The following KIF24 variants were observed in gnomAD, a reference collection of about 807,000 sequenced individuals.
KIF24 encodes kinesin family member 24.
In KIF24, 81 loss-of-function variants were observed where a neutral mutation model predicts 118.9. The ratio of observed to expected loss-of-function variants is 0.68; its 90% CI spans 0.57 to 0.82. The LOEUF is 0.82. Among genes scored for constraint, KIF24 ranks in the 40% least tolerant of loss-of-function variants. The probability of loss-of-function intolerance (pLI) is 0.00; values close to 1 mark genes in which losing one functional copy is unlikely to be tolerated. For missense variants in KIF24, 1,560 were observed against 1,661.6 expected (o/e 0.94, Z 1.06); for synonymous variants, 599 against 610.0 (o/e 0.98, Z 0.27).
intron 4 of KIF24, among the ~76,000 whole-genome samples, chr9:34,295,363 A>G (rs1836426802): frequency 6.6e-6 from 1 of 152,024 alleles, no homozygotes; most frequent in Non-Finnish European, 1.5e-5. Flanking sequence ...GCACATCACC[A>G]TGCCTGGCTA....
chr9:34,266,967 T>C (rs1449383420), intron 8 of KIF24, among the ~76,000 whole-genome samples: 1 of 152,112 alleles, frequency 6.6e-6, no homozygotes, highest in African/African-American at 2.4e-5. Context: ...ACAACAACAA[T>C]AAAACAAACT....
In KIF24 at chr9:34,318,375, T is replaced by C. The variant is rs1837397272; in HGVS notation, c.-25-7004A>G. ...GCTTGACCTAGCCCTGACAGGTCCA[T>C]CGTGGTGCACGCAAACCACCTCCCA... On this transcript the variant is annotated intron_variant, in intron 1 of 12. Coordinates refer to ENST00000402558, the MANE Select transcript of KIF24 (RefSeq NM_194313.4). This position sits in a 1 kb window ranked among gnomAD's most constrained non-coding sequence, Gnocchi z 4.9. 1 of 441,870 alleles carries C rather than the reference T, an allele frequency of 2.3e-6. No homozygotes were observed. The highest frequency in any genetic ancestry group is 2.1e-5 in the African/African-American group (1 of 48,696). The allele number at this position is 441,870 out of a possible 1,614,324, so 27.4% of individuals were successfully genotyped here. A position where few individuals can be genotyped will look rare whatever the true frequency, so the allele number is the denominator to read the frequency against.
At chr9:34,276,478 A>T (rs968951434) in intron 6 of KIF24, among the ~76,000 whole-genome samples, 1 of 151,994 alleles carries the variant, frequency 6.6e-6, no homozygotes. Context: ...AATTTATATC[A>T]TATTGAACAT....
chr9:34,329,290 T>A (rs1322892745), upstream of KIF24, among the ~76,000 whole-genome samples: 1 of 152,178 alleles, frequency 6.6e-6, no homozygotes, highest in Non-Finnish European at 1.5e-5. Context: ...GGCCCGCGCG[T>A]CGCCAGTCCC....
chr9:34,290,278 G>A lies in KIF24; in HGVS notation c.1023C>T (p.Phe341=). Residue 341 remains phenylalanine (F), a synonymous_variant, in exon 5 of 13, where the codon TTC becomes TTT. Coordinates refer to ENST00000402558, the MANE Select transcript of KIF24 (RefSeq NM_194313.4). ...GLYALAAKDI[F]RQLEVSQPRK... ...TTGGCTGGGACACTTCTAGTTGCCT[G>A]AAGATATCTTTGGCAGCTAGAGCAT... The A allele has an allele frequency of 6.2e-7, 1 of 1,613,480 alleles. No homozygotes were observed. The highest frequency in any genetic ancestry group is 1.7e-4 in the Middle Eastern group (1 of 6,056).
At chr9:34,308,039 T>C (rs1201370658) in intron 2 of KIF24, among the ~76,000 whole-genome samples, 1 of 152,104 alleles carries the variant, frequency 6.6e-6, no homozygotes, top group East Asian at 1.9e-4. Flanking sequence ...GGTGCGAGCA[T>C]AGCTCACTGA....
At chr9:34,261,217 A>C (rs1052586015) in intron 9 of KIF24, among the ~76,000 whole-genome samples, 12 of 152,168 alleles carry the variant, frequency 7.9e-5, no homozygotes, top group Admixed American at 6.5e-4. Flanking sequence ...ATCCTGCAGC[A>C]TACAAAAAAA....
At chr9:34,323,705 T>G (rs1837590568) in intron 1 of KIF24, among the ~76,000 whole-genome samples, 1 of 152,240 alleles carries the variant, frequency 6.6e-6, no homozygotes, top group Non-Finnish European at 1.5e-5. Flanking sequence ...CTTTGGGAAC[T>G]GTTGCCACCA....
At chr9:34,264,185 G>A (rs1012053329) in intron 8 of KIF24, among the ~76,000 whole-genome samples, 21 of 151,990 alleles carry the variant, frequency 1.4e-4, no homozygotes, top group African/African-American at 4.6e-4. Flanking sequence ...ACTTTGGGAG[G>A]CTGAGGCGGG....
chr9:34,312,833 G>T (rs748215140), intron 1 of KIF24, among the ~76,000 whole-genome samples: 1 of 152,274 alleles, frequency 6.6e-6, no homozygotes, highest in African/African-American at 2.4e-5. Context: ...GAGTAGCTAG[G>T]ATTCACAGGT....
chr9:34,296,398 G>T (rs943318937), intron 4 of KIF24, among the ~76,000 whole-genome samples: 19 of 151,394 alleles, frequency 1.3e-4, no homozygotes, highest in Non-Finnish European at 2.4e-4. Context: ...GTGGTGGCGG[G>T]CGCCTGTAGT....
At chr9:34,315,845 A>AT (rs1426853925) in intron 1 of KIF24, among the ~76,000 whole-genome samples, 1 of 151,942 alleles carries the variant, frequency 6.6e-6, no homozygotes, top group Non-Finnish European at 1.5e-5. Flanking sequence ...TCTGGCCAAC[A>AT]TGGCAAAACC....
chr9:34,283,167 G>C (rs1381027062), intron 6 of KIF24, among the ~76,000 whole-genome samples: 1 of 151,510 alleles, frequency 6.6e-6, no homozygotes, highest in Non-Finnish European at 1.5e-5. Context: ...AGGAGATTGA[G>C]ACCAGCCTGT....
Position 34,313,922 on chromosome 9 carries a change from A to AT in KIF24, c.-25-2552dup, listed in dbSNP as rs5897568. ...ACCACCACATGTGGCTAATTTTTAC[A>AT]TTTTTTTTTTTTTGTAGAGAAAGGG... On this transcript the variant is annotated intron_variant, in intron 1 of 12. Coordinates refer to ENST00000402558, the MANE Select transcript of KIF24 (RefSeq NM_194313.4). Among the ~76,000 whole-genome samples, 691 of 140,168 alleles carry AT rather than the reference A, an allele frequency of 4.9e-3. 6 individuals carry two copies. Among genetic ancestry groups the AT allele is most frequent in the African/African-American group, 0.016 (593 of 36,942 alleles). 92.0% of individuals were successfully genotyped at this position (140,168 alleles called of 152,430 possible).
intron 1 of KIF24, among the ~76,000 whole-genome samples, chr9:34,313,420 G>A (rs1259307408): frequency 6.6e-6 from 1 of 152,198 alleles, no homozygotes; most frequent in Non-Finnish European, 1.5e-5. Context: ...CTACACAGCA[G>A]TAGATAACTG....
chr9:34,310,736 T>C lies in KIF24; in HGVS notation c.611A>G (p.His204Arg), dbSNP rs547085336. 2.5e-6 allele frequency: 4 copies of C among 1,589,472 alleles called. No homozygotes were observed. In the South Asian group the frequency reaches 3.5e-5, roughly 14 times the overall value. ...TAAAATTTATTACCTGATACAAGAA[T>C]GAGGGATTCCATAGTTATACCCTGA... ...HVSGYNYGIP[H>R]SCIRQNTSEK... is the part of the protein sequence containing the mutation. The change falls in exon 2 of 13, where the codon CAT (histidine) becomes CGT (arginine). Residue 204 changes from histidine to arginine, a missense_variant. By Grantham distance (29) the His-to-Arg change is conservative. Transcript: ENST00000402558.
At chr9:34,264,480 T>C (rs1339419904) in intron 8 of KIF24, among the ~76,000 whole-genome samples, 1 of 150,944 alleles carries the variant, frequency 6.6e-6, no homozygotes, top group East Asian at 1.9e-4. Flanking sequence ...TCCCTTGGAA[T>C]TGCCACCAAG....
At chr9:34,271,485 ATCT>A (rs748841917) in intron 7 of KIF24, among the ~76,000 whole-genome samples, 2 of 152,204 alleles carry the variant, frequency 1.3e-5, no homozygotes, top group African/African-American at 4.8e-5. Context: ...GAATGGATTA[ATCT>A]TCTCCCCCTA....
Position 34,269,297 on chromosome 9 carries a change from GTC to G in KIF24, c.1401_1402del (p.Gln467HisfsTer64). 1.2e-6 allele frequency: 2 copies of G among 1,609,140 alleles called. No individual in the cohort carries two copies. The highest frequency in any genetic ancestry group is 1.7e-6 in the Non-Finnish European group (2 of 1,177,750). Reference sequence around the variant, plus strand: ...ATTTATTTCTGCACCTTCCATCTTTGTCTGTCTATCTGAGTCCCTTGCATCTG... The same window carrying G: ...ATTTATTTCTGCACCTTCCATCTTTGTGTCTATCTGAGTCCCTTGCATCTG... On this transcript the variant is annotated frameshift_variant, in exon 8 of 13. Coordinates refer to ENST00000402558, the MANE Select transcript of KIF24 (RefSeq NM_194313.4). LOFTEE classifies it high-confidence loss of function.
Sources: allele counts gnomAD v4.1 joint callset (sites outside exome capture counted in the v4.1 genomes callset), GRCh38; gene constraint gnomAD v4.1.1; non-coding constraint Gnocchi (gnomAD v3.1); transcripts MANE v1.5; gene names NCBI Gene and HGNC (gene_info 2026-07-23, HGNC 2026-07-21).